SCARA3: variants seen among roughly 807,000 people sequenced by gnomAD.
SCARA3 encodes the protein scavenger receptor class A member 3.
In SCARA3, 39 loss-of-function variants were observed where a neutral mutation model predicts 47.0. That is an observed-to-expected ratio of 0.83 (90% CI 0.64 to 1.08). SCARA3 has a LOEUF of 1.08. SCARA3 is among the 50% of genes least tolerant of loss of function. The probability of loss-of-function intolerance (pLI) is 0.00; values close to 1 mark genes in which losing one functional copy is unlikely to be tolerated. For missense variants in SCARA3, 724 were observed against 792.3 expected, an observed-to-expected ratio of 0.91 and a Z score of 1.04; for synonymous variants, 356 against 334.1, an observed-to-expected ratio of 1.07 and a Z score of -0.71.
rs1431877431 is a variant in SCARA3, at chr8:27,671,795, C to T, written c.*444C>T. On this transcript the variant is annotated 3_prime_UTR_variant, in exon 6 of 6. Coordinates refer to ENST00000301904, the MANE Select transcript of SCARA3 (RefSeq NM_016240.3). ...ACACACACATGCACTGCACACATATCCATGCACACAAACACATATATACAC... is the reference window on the plus strand; with the variant it reads ...ACACACACATGCACTGCACACATATTCATGCACACAAACACATATATACAC... 8.1e-6 allele frequency: 8 copies of T among 990,584 alleles called. No individual in the cohort carries two copies. The highest frequency in any genetic ancestry group is 1.7e-5 in the African/African-American group (1 of 57,430). 61.4% of individuals were successfully genotyped at this position (990,584 alleles called of 1,614,324 possible).
chr8:27,692,740 T>A, the SCARA3 span, among the ~76,000 whole-genome samples: 1 of 152,194 alleles, frequency 6.6e-6, no homozygotes, highest in African/African-American at 2.4e-5. Context: ...ATAATAAGAA[T>A]GTTGGCCTGC....
chr8:27,727,440 C>T, the SCARA3 span, among the ~76,000 whole-genome samples: 2 of 152,200 alleles, frequency 1.3e-5, no homozygotes, highest in Admixed American at 6.5e-5. Context: ...GCTGGTCCTT[C>T]GCTGCATCTC....
chr8:27,733,777 G>A, the SCARA3 span: 1 of 152,264 alleles, frequency 6.6e-6, no homozygotes, highest in South Asian at 2.1e-4. Context: ...CTAGAAAATT[G>A]TTCCTTTTCC....
intron 5 of SCARA3, among the ~76,000 whole-genome samples, chr8:27,661,615 A>T (rs571037654): frequency 6.6e-6 from 1 of 152,272 alleles, no homozygotes; most frequent in Non-Finnish European, 1.5e-5. Flanking sequence ...AAATATAAGG[A>T]GGACATACCA....
intron 1 of SCARA3, among the ~76,000 whole-genome samples, chr8:27,648,345 G>A (rs993530533): frequency 3.3e-5 from 5 of 152,222 alleles, no homozygotes; most frequent in Admixed American, 2.0e-4. Context: ...AGTGGCTCAC[G>A]CCTGTAATCC....
chr8:27,703,844 C>CTTTTT, the SCARA3 span: 99 of 54,540 alleles, frequency 1.8e-3, 8 homozygotes, highest in Non-Finnish European at 2.4e-3. Flanking sequence ...GTGCTTTCTA[C>CTTTTT]TTTTTTTTTT....
chr8:27,683,260 A>T, the SCARA3 span, among the ~76,000 whole-genome samples: 2 of 152,136 alleles, frequency 1.3e-5, no homozygotes, highest in African/African-American at 4.8e-5. Context: ...TAGAAATGAG[A>T]TTGTAACCTA....
At chr8:27,701,979 T>C in the SCARA3 span, 1 of 152,366 alleles carries the variant, frequency 6.6e-6, no homozygotes, top group Non-Finnish European at 1.5e-5. Context: ...ATTCCCAGGC[T>C]TAGCCCCCTA....
the SCARA3 span, among the ~76,000 whole-genome samples, chr8:27,731,165 T>C: frequency 2.0e-5 from 3 of 150,666 alleles, no homozygotes; most frequent in South Asian, 4.2e-4. Context: ...AGTGGTGCTA[T>C]CACAGCTCAC....
the SCARA3 span, among the ~76,000 whole-genome samples, chr8:27,684,259 C>T: frequency 6.6e-6 from 1 of 151,310 alleles, no homozygotes; most frequent in South Asian, 2.1e-4. Flanking sequence ...GCTCATGAGC[C>T]AAAAAAGAAG....
the SCARA3 span, among the ~76,000 whole-genome samples, chr8:27,688,073 C>T: frequency 6.6e-6 from 1 of 152,028 alleles, no homozygotes; most frequent in African/African-American, 2.4e-5. Flanking sequence ...CTTTAGTCAC[C>T]AAGAGGAAGA....
chr8:27,696,874 C>T, the SCARA3 span, among the ~76,000 whole-genome samples: 1 of 152,036 alleles, frequency 6.6e-6, no homozygotes, highest in African/African-American at 2.4e-5. Context: ...TAGTCATTGC[C>T]AGGGGCAGTG....
Position 27,671,158 on chromosome 8 carries a change from T to TAGGGCCCCCAGGGCCAGA in SCARA3, c.1638_1655dup (p.Pro548_Gly553dup). On this transcript the variant is annotated inframe_insertion, in exon 6 of 6. Transcript: ENST00000301904. ...GGACAGCCAGGCCCAAAAGGGGACATAGGGCCCCCAGGGCCAGAAGGGCCC... is the reference window on the plus strand; with the variant it reads ...GGACAGCCAGGCCCAAAAGGGGACATAGGGCCCCCAGGGCCAGAAGGGCCCCCAGGGCCAGAAGGGCCC... 6.5e-7 allele frequency: 1 copy of TAGGGCCCCCAGGGCCAGA among 1,541,336 alleles called. No homozygotes were observed. The highest frequency in any genetic ancestry group is 8.7e-7 in the Non-Finnish European group (1 of 1,146,764).
upstream of SCARA3, chr8:27,633,797 G>A (rs1801185125): frequency 6.6e-6 from 1 of 152,148 alleles, no homozygotes. Context: ...AAGAAGTGAC[G>A]AGGAGGGAGG....
chr8:27,639,789 C>T (rs1222856686), intron 1 of SCARA3, among the ~76,000 whole-genome samples: 1 of 152,096 alleles, frequency 6.6e-6, no homozygotes, highest in African/African-American at 2.4e-5. Flanking sequence ...GGCAGAGAAC[C>T]ATGATGGTAA....
chr8:27,714,088 C>T, the SCARA3 span, among the ~76,000 whole-genome samples: 1 of 152,098 alleles, frequency 6.6e-6, no homozygotes, highest in East Asian at 1.9e-4. Context: ...TTCCTGAGGC[C>T]TCCTCCCCAG....
the SCARA3 span, among the ~76,000 whole-genome samples, chr8:27,712,286 G>C: frequency 1.3e-5 from 2 of 152,046 alleles, no homozygotes; most frequent in African/African-American, 4.8e-5. Flanking sequence ...CCATGTGGCC[G>C]GGCGCGGTGG....
At chr8:27,643,814 C>T (rs1801435634) in intron 1 of SCARA3, among the ~76,000 whole-genome samples, 1 of 152,208 alleles carries the variant, frequency 6.6e-6, no homozygotes, top group South Asian at 2.1e-4. Flanking sequence ...ATCTCTCCCC[C>T]TTGTTGACTC....
chr8:27,668,707 AAAT>A lies in SCARA3; in HGVS notation c.1370-2190_1370-2188del, dbSNP rs1802075777. Reference sequence around the variant, plus strand: ...AAACCCCATCTCTGCCAAAAAATAAAAATAAAAAAATCAGCTGGCATGGTGGCA... The same window carrying A: ...AAACCCCATCTCTGCCAAAAAATAAAAAAAAAATCAGCTGGCATGGTGGCA... On this transcript the variant is annotated intron_variant, in intron 5 of 5. Coordinates refer to ENST00000301904, the MANE Select transcript of SCARA3 (RefSeq NM_016240.3). Among the ~76,000 whole-genome samples, 3 of 152,262 alleles carry A rather than the reference AAAT, an allele frequency of 2.0e-5. No individual in the cohort carries two copies. The South Asian group carries it at 6.2e-4, about 32-fold the overall frequency.
Sources: gnomAD v4.1 joint callset for allele counts (sites outside exome capture counted in the v4.1 genomes callset) on GRCh38, gnomAD v4.1.1 for gene constraint, MANE v1.5 for transcripts, NCBI Gene and HGNC (gene_info 2026-07-23, HGNC 2026-07-21) for gene names.